ANO3: variants seen among roughly 807,000 people sequenced by gnomAD.
ANO3 encodes the protein anoctamin-3.
Under a neutral mutation model 144.8 loss-of-function variants are expected in ANO3, and 99 were observed. That is an observed-to-expected ratio of 0.68 (90% confidence interval 0.58 to 0.81). The LOEUF is 0.81. Among genes scored for constraint, ANO3 ranks in the 30% least tolerant of loss-of-function variants. The pLI is 0.00. For missense variants in ANO3, 905 were observed against 1,202.2 expected (o/e 0.75, Z 3.66); for synonymous variants, 414 against 392.6 (o/e 1.05, Z -0.64).
intron 24 of ANO3, among the ~76,000 whole-genome samples, chr11:26,651,448 A>C (rs903752537): frequency 3.3e-5 from 5 of 152,170 alleles, no homozygotes; most frequent in Non-Finnish European, 7.4e-5. Flanking sequence ...ATATTGCAAC[A>C]GATTTTATAT....
At chr11:26,637,314 C>T (rs1314799412) in intron 20 of ANO3, among the ~76,000 whole-genome samples, 1 of 152,134 alleles carries the variant, frequency 6.6e-6, no homozygotes, top group Non-Finnish European at 1.5e-5. Flanking sequence ...TCTTCTTTTT[C>T]CCATCCCACA....
At chr11:26,645,965 G>A (rs1451946674) in intron 23 of ANO3, among the ~76,000 whole-genome samples, 1 of 152,072 alleles carries the variant, frequency 6.6e-6, no homozygotes, top group Admixed American at 6.5e-5. Context: ...CCCATAGATA[G>A]GTAAGTGTTT....
chr11:26,305,043 ATCT>A (rs566452581), upstream of ANO3, among the ~76,000 whole-genome samples: 148 of 152,084 alleles, frequency 9.7e-4, 1 homozygote, highest in African/African-American at 3.4e-3. Flanking sequence ...GTCCAGTTCG[ATCT>A]TCTCATTTTA....
Position 26,374,234 on chromosome 11 carries a change from G to A in ANO3, c.46+41913G>A, listed in dbSNP as rs117760241. On this transcript the variant is annotated intron_variant, in intron 1 of 26. Transcript: ENST00000256737. ...TCTCATTTCTATTGTTATTTGAGTGGCAAAGAAATCATTTATGCATCAAAT... is the reference window on the plus strand; with the variant it reads ...TCTCATTTCTATTGTTATTTGAGTGACAAAGAAATCATTTATGCATCAAAT... Among the ~76,000 whole-genome samples the A allele has an allele frequency of 3.4e-4, 51 of 152,226 alleles. No individual in the cohort carries two copies. The East Asian group carries it at 9.5e-3, about 28-fold the overall frequency.
intron 1 of ANO3, among the ~76,000 whole-genome samples, chr11:26,201,132 T>A (rs1426074445): frequency 6.6e-6 from 1 of 152,142 alleles, no homozygotes; most frequent in Non-Finnish European, 1.5e-5. Flanking sequence ...GTCACATATA[T>A]AAGCACCATG....
intron 1 of ANO3, among the ~76,000 whole-genome samples, chr11:26,190,416 AT>A (rs778748012): frequency 3.3e-5 from 5 of 152,298 alleles, no homozygotes; most frequent in Admixed American, 2.0e-4. Flanking sequence ...TAAGAAAAAA[AT>A]CTCTATGCTG....
intron 9 of ANO3, among the ~76,000 whole-genome samples, 181 bp from the exon 10 acceptor site, chr11:26,537,225 T>A (rs1849533009): frequency 6.6e-6 from 1 of 152,174 alleles, no homozygotes; most frequent in Non-Finnish European, 1.5e-5. Flanking sequence ...AGGACATAAC[T>A]AGATGCAGTA....
chr11:26,437,294 C>T (rs1388552196), intron 1 of ANO3, among the ~76,000 whole-genome samples: 2 of 152,146 alleles, frequency 1.3e-5, no homozygotes, highest in Non-Finnish European at 2.9e-5. Context: ...CAAGTGGCTG[C>T]TCTGCCGAGA....
At chr11:26,300,203 C>T (rs1015529502) in intron 1 of ANO3, among the ~76,000 whole-genome samples, 3 of 151,900 alleles carry the variant, frequency 2.0e-5, no homozygotes, top group Non-Finnish European at 4.4e-5. Context: ...CAAGCACGCA[C>T]GCACACACAC....
At chr11:26,567,245 A>T (rs1850625156) in intron 14 of ANO3, 4 of 708,934 alleles carry the variant, frequency 5.6e-6, no homozygotes, top group Non-Finnish European at 8.2e-6. Flanking sequence ...TTAAAAAAAT[A>T]GACTTTTTTT....
In ANO3 at chr11:26,443,822, G is replaced by A. The variant is rs752799955; in HGVS notation, c.299G>A (p.Ser100Asn). The A allele has an allele frequency of 6.2e-7, 1 of 1,611,878 alleles. No homozygotes were observed. Among genetic ancestry groups the A allele is most frequent in the Non-Finnish European group, 8.5e-7 (1 of 1,178,834 alleles). ...CTGAGATGTTCATTTGCTGACCTCA[G>A]CGATTTTTGTTTGGGTAAGTTGATA... Reference protein sequence around the residue: ...SVLRCSFADLSDFCLALGKDK... With the variant: ...SVLRCSFADLNDFCLALGKDK... The change falls in exon 3 of 27, where the codon AGC (serine) becomes AAC (asparagine). Residue 100 changes from serine (S) to asparagine (N), a missense_variant. Around this residue, in one of 4 missense-constraint regions of ANO3, gnomAD observed 174 missense variants for 171.9 expected, o/e 1.01. Transcript: ENST00000256737.
chr11:26,456,880 G>C (rs1447760788), intron 3 of ANO3, among the ~76,000 whole-genome samples: 1 of 143,610 alleles, frequency 7.0e-6, no homozygotes, highest in Non-Finnish European at 1.5e-5. Flanking sequence ...ATACACCATG[G>C]AATACTATGC....
intron 10 of ANO3, among the ~76,000 whole-genome samples, chr11:26,540,385 C>T (rs1328525635): frequency 1.3e-5 from 2 of 152,076 alleles, no homozygotes; most frequent in African/African-American, 2.4e-5. Flanking sequence ...TTCAACACCC[C>T]GTCATGCTAA....
chr11:26,235,824 G>T (rs1852509555), intron 1 of ANO3, among the ~76,000 whole-genome samples: 1 of 151,086 alleles, frequency 6.6e-6, no homozygotes, highest in Non-Finnish European at 1.5e-5. Flanking sequence ...GTCTACAAAT[G>T]TGAAACACTA....
intron 5 of ANO3, among the ~76,000 whole-genome samples, chr11:26,510,132 C>CAAAAAAAA (rs67543168): frequency 1.3e-4 from 6 of 46,568 alleles, no homozygotes; most frequent in Non-Finnish European, 2.1e-4. Context: ...GACTCCATCT[C>CAAAAAAAA]AAAAAAAAAA....
chr11:26,655,825 G>A, intron 24 of ANO3, among the ~76,000 whole-genome samples: 1 of 151,980 alleles, frequency 6.6e-6, no homozygotes, highest in East Asian at 1.9e-4. Context: ...ATATTTTATA[G>A]AGTTTTAATG....
At chr11:26,229,257 T>C (rs369326996) in intron 1 of ANO3, among the ~76,000 whole-genome samples, 1 of 152,184 alleles carries the variant, frequency 6.6e-6, no homozygotes, top group South Asian at 2.1e-4. Context: ...TTGCAAAACA[T>C]GATGTGCAAC....
At chr11:26,389,998 A>G (rs1856834138) in intron 1 of ANO3, among the ~76,000 whole-genome samples, 2 of 152,108 alleles carry the variant, frequency 1.3e-5, no homozygotes, top group African/African-American at 4.8e-5. Context: ...GACAGTTGAT[A>G]GCAGATGTAA....
At chr11:26,570,611 A>G (rs1019575264) in intron 14 of ANO3, among the ~76,000 whole-genome samples, 1 of 152,140 alleles carries the variant, frequency 6.6e-6, no homozygotes, top group Admixed American at 6.6e-5. Context: ...ACATGTTTCT[A>G]TAGTAAAATC....
Sources: gnomAD v4.1 joint callset for allele counts (sites outside exome capture counted in the v4.1 genomes callset) on GRCh38, gnomAD v4.1.1 for gene constraint, gnomAD v4.1.1 regional missense constraint, MANE v1.5 for transcripts, NCBI Gene and HGNC (gene_info 2026-07-23, HGNC 2026-07-21) for gene names.